SLC39A12: variants seen among roughly 807,000 people sequenced by gnomAD.
SLC39A12 encodes solute carrier family 39 member 12.
SLC39A12 carries 63 observed loss-of-function variants against 71.1 expected under a neutral mutation model. The observed-to-expected ratio is 0.89, with a 90% confidence interval of 0.72 to 1.09. SLC39A12 has a LOEUF of 1.09. Ranked by LOEUF, SLC39A12 falls within the 50% of genes least tolerant of loss-of-function variation. SLC39A12 has a pLI of 0.00. For synonymous variants in SLC39A12, 351 were observed against 301.3 expected (o/e 1.16, Z -1.71); for missense variants, 892 against 812.6 (o/e 1.10, Z -1.19).
intron 4 of SLC39A12, among the ~76,000 whole-genome samples, chr10:17,968,775 T>A (rs542801589): frequency 1.3e-5 from 2 of 152,356 alleles, no homozygotes; most frequent in South Asian, 4.1e-4. Flanking sequence ...CCTTCAAGCA[T>A]TTATTGTTTG....
At chr10:17,987,748 AG>A in intron 7 of SLC39A12, 97 bp downstream of exon 7, 2 of 1,304,682 alleles carry the variant, frequency 1.5e-6, no homozygotes, top group Non-Finnish European at 2.1e-6. Context: ...GAGACTTCAA[AG>A]AGAGAGTATC....
chr10:18,036,788 A>T (rs4027250), intron 12 of SLC39A12, among the ~76,000 whole-genome samples: 5,942 of 16,782 alleles, frequency 0.35, 693 homozygotes, highest in African/African-American at 0.48. Context: ...ATATATATAT[A>T]TATATATTTT....
At chr10:18,009,257 A>T (rs16916771) in intron 12 of SLC39A12, among the ~76,000 whole-genome samples, 1 of 152,104 alleles carries the variant, frequency 6.6e-6, no homozygotes, top group Admixed American at 6.6e-5. Flanking sequence ...AATGGGGGGA[A>T]CTGGACAACT....
intron 2 of SLC39A12, among the ~76,000 whole-genome samples, chr10:17,957,167 C>G (rs1285534188): frequency 2.0e-5 from 3 of 152,132 alleles, no homozygotes; most frequent in African/African-American, 7.2e-5. Flanking sequence ...ATCCTGGAGG[C>G]CTGACAGCTG....
chr10:17,971,559 A>T (rs1365738739), intron 4 of SLC39A12, among the ~76,000 whole-genome samples: 1 of 151,738 alleles, frequency 6.6e-6, no homozygotes, highest in Non-Finnish European at 1.5e-5. Flanking sequence ...TGGTTTAATC[A>T]TGGTAGGTTG....
At chr10:17,954,213 C>G (rs192051467) in intron 2 of SLC39A12, among the ~76,000 whole-genome samples, 101 of 152,220 alleles carry the variant, frequency 6.6e-4, no homozygotes, top group African/African-American at 2.4e-3. Context: ...TTTTACTTGC[C>G]TGGGATAGAA....
chr10:17,967,218 A>G (rs987067817), intron 4 of SLC39A12, among the ~76,000 whole-genome samples: 1 of 152,054 alleles, frequency 6.6e-6, no homozygotes, highest in Non-Finnish European at 1.5e-5. Context: ...ACGCATTTCT[A>G]TGTACTGTGT....
At chr10:18,020,703 C>T (rs1218431571) in intron 12 of SLC39A12, among the ~76,000 whole-genome samples, 3 of 152,060 alleles carry the variant, frequency 2.0e-5, no homozygotes, top group South Asian at 2.1e-4. Context: ...TTTTGATTTG[C>T]GTTTCCCTAA....
intron 12 of SLC39A12, among the ~76,000 whole-genome samples, chr10:18,026,380 C>T (rs1836678795): frequency 6.6e-6 from 1 of 151,902 alleles, no homozygotes; most frequent in Non-Finnish European, 1.5e-5. Flanking sequence ...TTTAGTTCAC[C>T]CCCTTCTTGC....
chr10:17,954,791 T>A lies in SLC39A12; in HGVS notation c.261+1254T>A, dbSNP rs1438606617. The stretch of plus-strand genomic sequence containing the variant: ...AGCTAACAACCGTCTCCAAAATACA[T>A]TTTGGCAGACTTTCTCAATCATGCA... On this transcript the variant is annotated intron_variant, in intron 2 of 12. Coordinates refer to ENST00000377369, the MANE Select transcript of SLC39A12 (RefSeq NM_001145195.2). 2.0e-5 allele frequency among the ~76,000 whole-genome samples: 3 copies of A among 152,194 alleles called. No homozygotes were observed. In the East Asian group the frequency reaches 5.8e-4, roughly 29 times the overall value.
intron 4 of SLC39A12, among the ~76,000 whole-genome samples, chr10:17,972,892 G>T (rs1441782467): frequency 6.6e-6 from 1 of 151,692 alleles, no homozygotes; most frequent in Non-Finnish European, 1.5e-5. Context: ...TTTGTTTTCT[G>T]GTTGTTTTAT....
At chr10:17,966,542 C>T (rs954780175) in intron 4 of SLC39A12, among the ~76,000 whole-genome samples, 1 of 152,006 alleles carries the variant, frequency 6.6e-6, no homozygotes, top group African/African-American at 2.4e-5. Flanking sequence ...TGATTCCTGG[C>T]CTCAAGTGAT....
intron 12 of SLC39A12, among the ~76,000 whole-genome samples, chr10:18,036,995 C>T (rs1418823343): frequency 6.6e-6 from 1 of 151,478 alleles, no homozygotes; most frequent in East Asian, 2.0e-4. Context: ...CCATATTGGC[C>T]AGGCTGGTCT....
intron 5 of SLC39A12, among the ~76,000 whole-genome samples, chr10:17,979,042 A>G (rs980850572): frequency 3.3e-5 from 5 of 152,178 alleles, no homozygotes; most frequent in African/African-American, 1.2e-4. Context: ...AAGATTAGAA[A>G]CCACTGCTTT....
intron 10 of SLC39A12, among the ~76,000 whole-genome samples, chr10:17,997,022 C>CA (rs71924913): frequency 0.017 from 1,954 of 115,510 alleles, 67 homozygotes; most frequent in Middle Eastern, 0.062. Flanking sequence ...GACTCCGTCT[C>CA]AAAAAAAAAA....
At chr10:18,021,697 G>T (rs1836537077) in intron 12 of SLC39A12, among the ~76,000 whole-genome samples, 1 of 152,116 alleles carries the variant, frequency 6.6e-6, no homozygotes. Context: ...ACATAATTGT[G>T]TATTTGATTT....
rs1336857658 is a variant in SLC39A12, at chr10:17,961,982, G to A, written c.543+120G>A. Reference sequence around the variant, plus strand: ...CTTCTAAGGGAGGTAAGTATTTGTGGGTTTTGGTTATGAGATGTTAAATGA... The same window carrying A: ...CTTCTAAGGGAGGTAAGTATTTGTGAGTTTTGGTTATGAGATGTTAAATGA... On this transcript the variant is annotated intron_variant, in intron 3 of 12. Transcript: ENST00000377369. The A allele has an allele frequency of 4.7e-6, 5 of 1,053,416 alleles. No homozygotes were observed. The Middle Eastern group carries it at 6.7e-4, about 141-fold the overall frequency. The allele number at this position is 1,053,416 out of a possible 1,614,324, so 65.3% of individuals were successfully genotyped here.
Position 17,993,301 on chromosome 10 carries a change from T to C in SLC39A12, c.1533+10T>C. On this transcript the variant is annotated intron_variant, in intron 9 of 12. Coordinates refer to ENST00000377369, the MANE Select transcript of SLC39A12 (RefSeq NM_001145195.2). Reference sequence around the variant, plus strand: ...TTCAACTATCCAGTTGGTAGGTTCCTGATCTGAAGCATTCTACTGATCTGA... The same window carrying C: ...TTCAACTATCCAGTTGGTAGGTTCCCGATCTGAAGCATTCTACTGATCTGA... The C allele has an allele frequency of 6.6e-7, 1 of 1,507,726 alleles. No homozygotes were observed. The highest frequency in any genetic ancestry group is 9.0e-7 in the Non-Finnish European group (1 of 1,106,896). The allele number at this position is 1,507,726 out of a possible 1,614,324, so 93.4% of individuals were successfully genotyped here. A position where few individuals can be genotyped will look rare whatever the true frequency, so the allele number is the denominator to read the frequency against.
chr10:17,970,983 C>A (rs944077956), intron 4 of SLC39A12, among the ~76,000 whole-genome samples: 4 of 151,758 alleles, frequency 2.6e-5, no homozygotes, highest in East Asian at 1.9e-4. Flanking sequence ...TCCTTCTATA[C>A]CCCATTTTTT....
Sources: gnomAD v4.1 joint callset for allele counts (sites outside exome capture counted in the v4.1 genomes callset) on GRCh38, gnomAD v4.1.1 for gene constraint, MANE v1.5 for transcripts, NCBI Gene and HGNC (gene_info 2026-07-23, HGNC 2026-07-21) for gene names.